Variants in ADGRG6 observed in about 807,000 individuals in gnomAD.
ADGRG6 encodes G-protein coupled receptor 126.
In ADGRG6, 84 loss-of-function variants were observed where a neutral mutation model predicts 142.4. The observed-to-expected ratio is 0.59, with a 90% CI of 0.49 to 0.71. The LOEUF is 0.71. Ranked by LOEUF, ADGRG6 falls within the 30% of genes least tolerant of loss-of-function variation. ADGRG6 has a pLI of 0.00. For synonymous variants in ADGRG6, 521 were observed against 520.5 expected (o/e 1.00, Z -0.01); for missense variants, 1,367 against 1,466.6 (o/e 0.93, Z 1.11).
chr6:142,345,229 A>G (rs1779839133), intron 2 of ADGRG6, among the ~76,000 whole-genome samples: 1 of 150,740 alleles, frequency 6.6e-6, no homozygotes, highest in Non-Finnish European at 1.5e-5. Context: ...CGATACAAAC[A>G]TGTAATTGTC....
intron 18 of ADGRG6, among the ~76,000 whole-genome samples, chr6:142,414,491 C>T (rs923211708): frequency 1.3e-5 from 2 of 152,178 alleles, no homozygotes; most frequent in Non-Finnish European, 2.9e-5. Context: ...GCCTGGCAGT[C>T]ACAGCACCAG....
chr6:142,341,403 A>T (rs1397948103), intron 2 of ADGRG6, among the ~76,000 whole-genome samples: 4 of 123,584 alleles, frequency 3.2e-5, no homozygotes, highest in African/African-American at 1.2e-4. Context: ...ATATTATATA[A>T]TATATTATAT....
chr6:142,417,236 C>T lies in ADGRG6; in HGVS notation c.2939-37C>T, dbSNP rs370410588. ...CAGTCTTATGAAGCAGTTTCAGATG[C>T]TTCAAAAGAGTTTGTGTCATGGTGT... On this transcript the variant is annotated intron_variant, in intron 20 of 24. Coordinates refer to ENST00000367609, the MANE Select transcript of ADGRG6 (RefSeq NM_198569.3). 5.6e-6 allele frequency: 6 copies of T among 1,077,046 alleles called. No individual in the cohort carries two copies. The African/African-American group carries it at 9.2e-5, about 17-fold the overall frequency. The allele number at this position is 1,077,046 out of a possible 1,614,324, so 66.7% of individuals were successfully genotyped here.
At chr6:142,441,126 T>G (rs1460016791) in intron 24 of ADGRG6, among the ~76,000 whole-genome samples, 1 of 152,224 alleles carries the variant, frequency 6.6e-6, no homozygotes, top group Non-Finnish European at 1.5e-5. Context: ...AATGATAGTG[T>G]GTGCTGTGCT....
In ADGRG6 at chr6:142,445,368, T is replaced by G. The variant is rs1582706733; in HGVS notation, c.*1853T>G. On this transcript the variant is annotated 3_prime_UTR_variant, in exon 25 of 25. Transcript: ENST00000367609. Reference sequence around the variant, plus strand: ...GCTGCTTATTTTGGCGGAGGTTACATATGGATGAAAATGAATCTTAGTCAC... The same window carrying G: ...GCTGCTTATTTTGGCGGAGGTTACAGATGGATGAAAATGAATCTTAGTCAC... 1 of 152,268 alleles carries G rather than the reference T, an allele frequency of 6.6e-6. No homozygotes were observed. Among genetic ancestry groups the G allele is most frequent in the Non-Finnish European group, 1.5e-5 (1 of 68,014 alleles). 9.4% of individuals were successfully genotyped at this position (152,268 alleles called of 1,614,324 possible). A position where few individuals can be genotyped will look rare whatever the true frequency, so the allele number is the denominator to read the frequency against.
intron 16 of ADGRG6, among the ~76,000 whole-genome samples, chr6:142,408,585 T>C (rs924546791): frequency 6.6e-6 from 1 of 152,148 alleles, no homozygotes; most frequent in Admixed American, 6.6e-5. Flanking sequence ...ATTCTGCCAA[T>C]AGAGGTTTTG....
Position 142,441,155 on chromosome 6 carries a change from G to T in ADGRG6, c.3575-2182G>T, listed in dbSNP as rs560199486. Among the ~76,000 whole-genome samples, 3 of 152,294 alleles carry T rather than the reference G, an allele frequency of 2.0e-5. No homozygotes were observed. The South Asian group carries it at 6.2e-4, about 32-fold the overall frequency. On this transcript the variant is annotated intron_variant, in intron 24 of 24. Transcript: ENST00000367609. ...CTGTGCTGGCTCTTCTCTGCATGGG[G>T]TATCTGCAAGCGGCTCCTTCTAGGA...
At chr6:142,317,782 TTATATATAATATA>T (rs1778174476) in intron 2 of ADGRG6, among the ~76,000 whole-genome samples, 1 of 95,694 alleles carries the variant, frequency 1.0e-5, no homozygotes, top group African/African-American at 4.5e-5. Context: ...TCATATATAT[TTATATATAATATA>T]TATATTATAT....
chr6:142,346,977 A>G (rs1447206807), intron 2 of ADGRG6, among the ~76,000 whole-genome samples: 1 of 152,200 alleles, frequency 6.6e-6, no homozygotes, highest in East Asian at 1.9e-4. Flanking sequence ...ATACCTATGT[A>G]ACAAACCTGT....
At chr6:142,415,760 TTA>T (rs1372640834) in intron 19 of ADGRG6, 34 bp from the exon 20 acceptor site, 2 of 1,481,906 alleles carry the variant, frequency 1.3e-6, no homozygotes, top group Non-Finnish European at 1.9e-6. Flanking sequence ...ATATACAGTA[TTA>T]GTTCTCTCAT....
At chr6:142,411,485 T>G (rs1776084515) in intron 18 of ADGRG6, 74 bp downstream of exon 18, 2 of 786,564 alleles carry the variant, frequency 2.5e-6, no homozygotes, top group East Asian at 2.5e-5. Flanking sequence ...TGTATGTATT[T>G]TTAGATTATG....
chr6:142,386,069 G>A (rs1220498708), intron 6 of ADGRG6, among the ~76,000 whole-genome samples: 6 of 152,138 alleles, frequency 3.9e-5, no homozygotes, highest in Non-Finnish European at 1.5e-5. Context: ...GGAGAGGAGA[G>A]GGGTTGAGTT....
Position 142,445,352 on chromosome 6 carries a change from T to G in ADGRG6, c.*1837T>G, listed in dbSNP as rs1355427122. 6.6e-6 allele frequency: 1 copy of G among 152,156 alleles called. No individual in the cohort carries two copies. The highest frequency in any genetic ancestry group is 1.5e-5 in the Non-Finnish European group (1 of 68,036). 9.4% of individuals were successfully genotyped at this position (152,156 alleles called of 1,614,324 possible). On this transcript the variant is annotated 3_prime_UTR_variant, in exon 25 of 25. Transcript: ENST00000367609. ...AGGCATATATTAACAGGCTGCTTAT[T>G]TTGGCGGAGGTTACATATGGATGAA...
intron 1 of ADGRG6, among the ~76,000 whole-genome samples, chr6:142,306,568 C>G (rs774827239): frequency 6.6e-6 from 1 of 152,094 alleles, no homozygotes; most frequent in East Asian, 1.9e-4. Context: ...TTTGCATAAT[C>G]TTTAGGTTTC....
At chr6:142,439,797 C>T (rs908375784) in intron 24 of ADGRG6, among the ~76,000 whole-genome samples, 2 of 152,148 alleles carry the variant, frequency 1.3e-5, no homozygotes, top group African/African-American at 4.8e-5. Context: ...GAAGTCTGTG[C>T]ACCTCTGCTT....
chr6:142,309,603 T>C lies in ADGRG6; in HGVS notation c.62T>C (p.Leu21Pro), dbSNP rs763677717. The change falls in exon 2 of 25, where the codon CTG becomes CCG. Residue 21 changes from leucine to proline, a missense_variant. Physicochemically the swap from Leu to Pro is moderately conservative, Grantham distance 98 (BLOSUM62 -3). This residue lies in a region of ADGRG6 where 737 missense variants were observed against 746.5 expected (regional missense o/e 0.99). Transcript: ENST00000367609. ...TGGAAATGGAAGCCCAGTCCTCTCC[T>C]GTTCTTATTTGCTTTATATATCATG... is the stretch of plus-strand genomic sequence containing the variant. ...CHWKWKPSPL[L>P]FLFALYIMCV... 8.7e-6 allele frequency: 14 copies of C among 1,607,904 alleles called. No homozygotes were observed. Among genetic ancestry groups the C allele is most frequent in the Admixed American group, 5.1e-5 (3 of 59,338 alleles).
chr6:142,421,210 G>A (rs1184964841), intron 22 of ADGRG6, among the ~76,000 whole-genome samples: 1 of 152,142 alleles, frequency 6.6e-6, no homozygotes, highest in Non-Finnish European at 1.5e-5. Context: ...CACATGGTAG[G>A]TGCTTAATGA....
At chr6:142,434,347 C>T (rs942509791) in intron 22 of ADGRG6, among the ~76,000 whole-genome samples, 8 of 151,088 alleles carry the variant, frequency 5.3e-5, no homozygotes, top group South Asian at 2.1e-4. Flanking sequence ...TTTTTTGAGA[C>T]GGAGTCTCGC....
chr6:142,326,212 C>G (rs929023614), intron 2 of ADGRG6, among the ~76,000 whole-genome samples: 1 of 151,406 alleles, frequency 6.6e-6, no homozygotes, highest in Non-Finnish European at 1.5e-5. Flanking sequence ...TGACTTTAAA[C>G]ACGTTGTTTC....
Sources: gnomAD v4.1 joint callset for allele counts (sites outside exome capture counted in the v4.1 genomes callset) on GRCh38, gnomAD v4.1.1 for gene constraint, gnomAD v4.1.1 regional missense constraint, MANE v1.5 for transcripts, NCBI Gene and HGNC (gene_info 2026-07-23, HGNC 2026-07-21) for gene names.